DTWD2: variants seen among roughly 807,000 people sequenced by gnomAD.
The protein encoded by DTWD2 is tRNA-uridine aminocarboxypropyltransferase 2.
A neutral mutation model predicts 31.8 loss-of-function variants in DTWD2; 39 were observed. The observed-to-expected ratio is 1.22, with a 90% CI of 0.95 to 1.60. The LOEUF is 1.60. DTWD2 is among the 40% of genes most tolerant of loss of function. The pLI is 0.00. For synonymous variants in DTWD2, 180 were observed against 142.8 expected, an observed-to-expected ratio of 1.26 and a Z score of -1.86; for missense variants, 515 against 381.5, an observed-to-expected ratio of 1.35 and a Z score of -2.92.
At chr5:118,950,024 C>A (rs908084253) in intron 1 of DTWD2, among the ~76,000 whole-genome samples, 1 of 151,992 alleles carries the variant, frequency 6.6e-6, no homozygotes, top group Non-Finnish European at 1.5e-5. Context: ...TCCTGGCTAA[C>A]ATGGTGAAAC....
chr5:118,938,968 G>A (rs1010538804), intron 3 of DTWD2, among the ~76,000 whole-genome samples: 3 of 151,672 alleles, frequency 2.0e-5, no homozygotes, highest in Non-Finnish European at 2.9e-5. Context: ...TTCAGATAAT[G>A]CTATCATTCC....
At chr5:118,979,515 C>T (rs1755245047) in intron 1 of DTWD2, among the ~76,000 whole-genome samples, 1 of 151,890 alleles carries the variant, frequency 6.6e-6, no homozygotes, top group African/African-American at 2.4e-5. Flanking sequence ...GGTATATTAC[C>T]AAAGGAATAT....
At chr5:118,953,081 T>C (rs536862638) in intron 1 of DTWD2, among the ~76,000 whole-genome samples, 41 of 152,324 alleles carry the variant, frequency 2.7e-4, no homozygotes, top group African/African-American at 9.9e-4. Flanking sequence ...CAGAATCACC[T>C]AGAGGACTCA....
chr5:118,894,539 A>G (rs1753040799), intron 4 of DTWD2, among the ~76,000 whole-genome samples: 1 of 152,164 alleles, frequency 6.6e-6, no homozygotes, highest in Non-Finnish European at 1.5e-5. Context: ...GAACCCAAAA[A>G]TATACTCACA....
intron 4 of DTWD2, among the ~76,000 whole-genome samples, chr5:118,917,913 C>T (rs534754746): frequency 2.6e-5 from 4 of 151,742 alleles, no homozygotes; most frequent in East Asian, 1.9e-4. Flanking sequence ...TGTAGTGAGC[C>T]GAGATCGCAC....
At chr5:118,950,922 G>C (rs1005655871) in intron 1 of DTWD2, among the ~76,000 whole-genome samples, 3 of 151,262 alleles carry the variant, frequency 2.0e-5, no homozygotes, top group Non-Finnish European at 2.9e-5. Flanking sequence ...TAAACGTCAG[G>C]AGCAGATTGG....
chr5:118,973,784 G>A (rs1341631926), intron 1 of DTWD2: 37 of 1,611,438 alleles, frequency 2.3e-5, no homozygotes, highest in Non-Finnish European at 3.1e-5. Context: ...CGGATCACCG[G>A]CGTGCCCCAC....
intron 1 of DTWD2, among the ~76,000 whole-genome samples, chr5:118,965,413 G>T (rs561801328): frequency 6.6e-6 from 1 of 152,240 alleles, no homozygotes; most frequent in African/African-American, 2.4e-5. Flanking sequence ...CCGCCACCCC[G>T]TCTGGGAGGT....
chr5:118,854,452 T>C (rs921874116), intron 4 of DTWD2, among the ~76,000 whole-genome samples: 1 of 151,930 alleles, frequency 6.6e-6, no homozygotes, highest in African/African-American at 2.4e-5. Context: ...AGAATATAAA[T>C]AAATAATGTT....
At chr5:118,847,340 T>C (rs1751881979) in intron 5 of DTWD2, among the ~76,000 whole-genome samples, 1 of 152,146 alleles carries the variant, frequency 6.6e-6, no homozygotes, top group Non-Finnish European at 1.5e-5. Context: ...CCCTTTTAGT[T>C]GTGCTCATTA....
chr5:118,880,754 A>C (rs1057030135), intron 4 of DTWD2, among the ~76,000 whole-genome samples: 1 of 152,172 alleles, frequency 6.6e-6, no homozygotes, highest in Non-Finnish European at 1.5e-5. Context: ...GGCTAGTCTA[A>C]AATGTTTAAA....
At chr5:118,982,161 A>G (rs1047314203) in intron 1 of DTWD2, among the ~76,000 whole-genome samples, 1 of 152,244 alleles carries the variant, frequency 6.6e-6, no homozygotes, top group Admixed American at 6.5e-5. Flanking sequence ...TTTAGGCTAG[A>G]CTATTTCTGA....
intron 4 of DTWD2, among the ~76,000 whole-genome samples, chr5:118,855,307 C>T (rs570198065): frequency 6.7e-6 from 1 of 148,570 alleles, no homozygotes; most frequent in East Asian, 2.0e-4. Context: ...AAAAGAAATT[C>T]CAAAAAAAGA....
intron 4 of DTWD2, among the ~76,000 whole-genome samples, chr5:118,923,372 A>AG (rs776881384): frequency 6.6e-6 from 1 of 152,208 alleles, no homozygotes; most frequent in Non-Finnish European, 1.5e-5. Flanking sequence ...GATGCCAGGG[A>AG]GAAAAAACTT....
chr5:118,860,864 T>C (rs1321565298), intron 4 of DTWD2, among the ~76,000 whole-genome samples: 3 of 152,344 alleles, frequency 2.0e-5, no homozygotes, highest in Admixed American at 6.5e-5. Context: ...AATGGTCTTT[T>C]CACTTTTAGA....
Position 118,848,368 on chromosome 5 carries a change from T to G in DTWD2, c.598-150A>C, listed in dbSNP as rs1751910839. On this transcript the variant is annotated intron_variant, in intron 4 of 5. Coordinates refer to ENST00000510708, the MANE Select transcript of DTWD2 (RefSeq NM_173666.4). Reference sequence around the variant, plus strand: ...ATATCTTTTATGTATAACATCCTTTTGTTGCAATTGTTAAATAGTAGAAGA... The same window carrying G: ...ATATCTTTTATGTATAACATCCTTTGGTTGCAATTGTTAAATAGTAGAAGA... 3 of 645,414 alleles carry G rather than the reference T, an allele frequency of 4.6e-6. No individual in the cohort carries two copies. The Admixed American group carries it at 1.1e-4, about 23-fold the overall frequency. The allele number at this position is 645,414 out of a possible 1,614,324, so 40.0% of individuals were successfully genotyped here. A position where few individuals can be genotyped will look rare whatever the true frequency, so the allele number is the denominator to read the frequency against.
rs561846428 is a variant in DTWD2, at chr5:118,879,795, C to T, written c.598-31577G>A. 5.9e-5 allele frequency among the ~76,000 whole-genome samples: 9 copies of T among 151,942 alleles called. No homozygotes were observed. The South Asian group carries it at 1.9e-3, about 32-fold the overall frequency. ...TAGAGGGAAACAACACACATTGGGGCCTACTGGAGGGTAGAGAGTGGGAGG... is the reference window on the plus strand; with the variant it reads ...TAGAGGGAAACAACACACATTGGGGTCTACTGGAGGGTAGAGAGTGGGAGG... On this transcript the variant is annotated intron_variant, in intron 4 of 5. Transcript: ENST00000510708.
chr5:118,967,757 A>G (rs1250750298), intron 1 of DTWD2, among the ~76,000 whole-genome samples: 1 of 152,258 alleles, frequency 6.6e-6, no homozygotes, highest in East Asian at 1.9e-4. Context: ...ATTCCAATCA[A>G]TAAATGTAGA....
chr5:118,921,575 T>G (rs1753705467), intron 4 of DTWD2, among the ~76,000 whole-genome samples: 1 of 151,700 alleles, frequency 6.6e-6, no homozygotes. Flanking sequence ...AGTAAATCAC[T>G]GATTTGTTAG....
Sources: gnomAD v4.1 joint callset for allele counts (sites outside exome capture counted in the v4.1 genomes callset) on GRCh38, gnomAD v4.1.1 for gene constraint, MANE v1.5 for transcripts, NCBI Gene and HGNC (gene_info 2026-07-23, HGNC 2026-07-21) for gene names.